PCDHGA10: variants seen among roughly 807,000 people sequenced by gnomAD.
The protein encoded by PCDHGA10 is protocadherin gamma subfamily A, 10, also known as protocadherin gamma-A10.
In PCDHGA10, 42 loss-of-function variants were observed where a neutral mutation model predicts 59.5. The ratio of observed to expected loss-of-function variants is 0.71; its 90% confidence interval spans 0.55 to 0.91. The LOEUF (loss-of-function observed/expected upper bound fraction) is 0.91, where lower values mean the gene tolerates loss of function less well. PCDHGA10 is among the 40% of genes least tolerant of loss of function. PCDHGA10 has a pLI of 0.00. For missense variants in PCDHGA10, 1,111 were observed against 1,198.2 expected, an observed-to-expected ratio of 0.93 and a Z score of 1.07; for synonymous variants, 511 against 517.2, an observed-to-expected ratio of 0.99 and a Z score of 0.16.
intron 1 of PCDHGA10, chr5:141,419,732 G>A (rs2096422854): frequency 6.2e-7 from 1 of 1,613,792 alleles, no homozygotes; most frequent in Non-Finnish European, 8.5e-7. Flanking sequence ...GCGAACAGGC[G>A]AGGTGCGCAT....
chr5:141,442,485 G>A (rs1000683527), intron 1 of PCDHGA10: 2 of 152,248 alleles, frequency 1.3e-5, no homozygotes, highest in Non-Finnish European at 2.9e-5. Flanking sequence ...TGGGGAAGGG[G>A]ATGATTGTGA....
chr5:141,479,733 A>G (rs2099504879), intron 1 of PCDHGA10: 1 of 152,254 alleles, frequency 6.6e-6, no homozygotes, highest in Admixed American at 6.5e-5. Context: ...TTTCTTAAGT[A>G]TATGCACAAT....
At position 141,485,709 on chromosome 5, in the gene PCDHGA10, C is replaced by A. The variant is rs2099618118; in HGVS notation, c.2437-9098C>A. On this transcript the variant is annotated intron_variant, in intron 1 of 3. Transcript: ENST00000398610. This position sits in a 1 kb window ranked among gnomAD's most constrained non-coding sequence, Gnocchi z 5.7. ...AGGCTGAGCTCCAATGAACACTTTGCACTGGATGTGAAGAAGCGCAGCGAC... is the reference window on the plus strand; with the variant it reads ...AGGCTGAGCTCCAATGAACACTTTGAACTGGATGTGAAGAAGCGCAGCGAC... The A allele has an allele frequency of 1.2e-6, 2 of 1,614,128 alleles. No homozygotes were observed. The highest frequency in any genetic ancestry group is 1.7e-6 in the Non-Finnish European group (2 of 1,180,028).
chr5:141,422,472 G>T, intron 1 of PCDHGA10: 2 of 1,613,680 alleles, frequency 1.2e-6, no homozygotes, highest in Non-Finnish European at 1.7e-6. Flanking sequence ...ACAGGGAGTT[G>T]GTCCAGAGCT....
chr5:141,414,015 A>C lies in PCDHGA10; in HGVS notation c.840A>C (p.Glu280Asp). 6.2e-7 allele frequency: 1 copy of C among 1,613,160 alleles called. No individual in the cohort carries two copies. Among genetic ancestry groups the C allele is most frequent in the South Asian group, 1.1e-5 (1 of 90,968 alleles). Residue 280 changes from glutamate to aspartate, a missense_variant, in exon 1 of 4, where the codon GAA becomes GAC. Glu to Asp is a conservative substitution (Grantham distance 45). Coordinates refer to ENST00000398610, the MANE Select transcript of PCDHGA10 (RefSeq NM_018913.3). ...ATDRDEGANGEVTYSFRKLPD... is the reference protein window; with the variant it reads ...ATDRDEGANGDVTYSFRKLPD... ...ACAGGGACGAAGGTGCCAATGGAGA[A>C]GTGACATATTCATTCCGAAAATTAC...
rs760095389 is a variant in PCDHGA10, at chr5:141,486,731, A to G, written c.2437-8076A>G. On this transcript the variant is annotated intron_variant, in intron 1 of 3. Transcript: ENST00000398610. The surrounding 1 kb of genome is among the most constrained non-coding windows in gnomAD (Gnocchi z 5.0). ...CCCCCAGACAGGAGCTGTTCATGCT[A>G]CTCGATCCTTTGACTATGAGCAAAC... The G allele has an allele frequency of 6.2e-7, 1 of 1,614,060 alleles. No individual in the cohort carries two copies. Among genetic ancestry groups the G allele is most frequent in the Non-Finnish European group, 8.5e-7 (1 of 1,180,012 alleles).
rs2099641707 is a variant in PCDHGA10 at position 141,487,238 on chromosome 5, C to T, written c.2437-7569C>T. 1.2e-6 allele frequency: 2 copies of T among 1,614,056 alleles called. No individual in the cohort carries two copies. The highest frequency in any genetic ancestry group is 1.7e-6 in the Non-Finnish European group (2 of 1,180,022). On this transcript the variant is annotated intron_variant, in intron 1 of 3. Transcript: ENST00000398610. This position sits in a 1 kb window ranked among gnomAD's most constrained non-coding sequence, Gnocchi z 5.0. ...AGCTCCAAGGGAAGGAGAATCTCGT[C>T]TAACCCTCTACTTGGCTGTGTCCCT...
intron 1 of PCDHGA10, among the ~76,000 whole-genome samples, chr5:141,448,378 A>G (rs1288817591): frequency 6.6e-6 from 1 of 152,154 alleles, no homozygotes; most frequent in East Asian, 1.9e-4. Context: ...ATTTTTGAAT[A>G]GGAAATACAT....
rs1394681178 is a variant in PCDHGA10 at position 141,413,889 on chromosome 5, T to C, written c.714T>C (p.Asp238=). ...TCCTTGTCAGTGTGACTGTCTTCGA[T>C]GCAAATGACAACGCGCCGGTCTTCA... is the stretch of plus-strand genomic sequence containing the variant. ...GTVLVSVTVF[D]ANDNAPVFTL... is the part of the protein sequence containing the mutation. The change falls in exon 1 of 4, where the codon GAT becomes GAC. Residue 238 remains aspartate, a synonymous_variant. Transcript: ENST00000398610. 4 of 1,613,392 alleles carry C rather than the reference T, an allele frequency of 2.5e-6. No individual in the cohort carries two copies. Among genetic ancestry groups the C allele is most frequent in the Non-Finnish European group, 3.4e-6 (4 of 1,179,870 alleles).
In PCDHGA10 at chr5:141,487,938, G is replaced by A; in HGVS notation, c.2437-6869G>A. ...GAGGCTACAGTGCACAGGGTACAGT[G>A]CACCAGGCAGTCACTTGGACAAAGG... is the stretch of plus-strand genomic sequence containing the variant. On this transcript the variant is annotated intron_variant, in intron 1 of 3. Coordinates refer to ENST00000398610, the MANE Select transcript of PCDHGA10 (RefSeq NM_018913.3). This position sits in a 1 kb window ranked among gnomAD's most constrained non-coding sequence, Gnocchi z 5.0. 1.7e-6 allele frequency: 1 copy of A among 600,308 alleles called. No homozygotes were observed. The highest frequency in any genetic ancestry group is 2.9e-6 in the Non-Finnish European group (1 of 342,970). 37.2% of individuals were successfully genotyped at this position (600,308 alleles called of 1,614,324 possible).
Position 141,491,273 on chromosome 5 carries a change from G to A in PCDHGA10, c.2437-3534G>A. ...GACCCTGAGGAAATGCCCAAATCCA[G>A]TGACTTCCTCATACACCCTCCTGAG... On this transcript the variant is annotated intron_variant, in intron 1 of 3. Coordinates refer to ENST00000398610, the MANE Select transcript of PCDHGA10 (RefSeq NM_018913.3). This position sits in a 1 kb window ranked among gnomAD's most constrained non-coding sequence, Gnocchi z 6.9. The A allele has an allele frequency of 6.2e-7, 1 of 1,614,182 alleles. No individual in the cohort carries two copies. Among genetic ancestry groups the A allele is most frequent in the South Asian group, 1.1e-5 (1 of 91,082 alleles).
chr5:141,431,731 T>G lies in PCDHGA10; in HGVS notation c.2436+16120T>G. 6.2e-7 allele frequency: 1 copy of G among 1,614,210 alleles called. No homozygotes were observed. The highest frequency in any genetic ancestry group is 8.5e-7 in the Non-Finnish European group (1 of 1,180,034). Reference sequence around the variant, plus strand: ...AGATGGAAGTGCAAGCAATGGATAATGCAGGATATTCTGCGCGAGCCAAAG... The same window carrying G: ...AGATGGAAGTGCAAGCAATGGATAAGGCAGGATATTCTGCGCGAGCCAAAG... On this transcript the variant is annotated intron_variant, in intron 1 of 3. Coordinates refer to ENST00000398610, the MANE Select transcript of PCDHGA10 (RefSeq NM_018913.3). The surrounding 1 kb of genome is among the most constrained non-coding windows in gnomAD (Gnocchi z 4.8).
chr5:141,489,342 A>G lies in PCDHGA10; in HGVS notation c.2437-5465A>G. 3.7e-6 allele frequency: 6 copies of G among 1,609,084 alleles called. No homozygotes were observed. The Middle Eastern group carries it at 6.6e-4, about 178-fold the overall frequency. On this transcript the variant is annotated intron_variant, in intron 1 of 3. Transcript: ENST00000398610. The surrounding 1 kb of genome is among the most constrained non-coding windows in gnomAD (Gnocchi z 4.5). ...GGGTGTCTGGGCAGCTTCGTTACTCAGTGGTGGAGGAGTCTGAGCCGGGGA... is the reference window on the plus strand; with the variant it reads ...GGGTGTCTGGGCAGCTTCGTTACTCGGTGGTGGAGGAGTCTGAGCCGGGGA...
Position 141,490,835 on chromosome 5 carries a change from T to C in PCDHGA10, c.2437-3972T>C, listed in dbSNP as rs1284804400. 4 of 1,613,728 alleles carry C rather than the reference T, an allele frequency of 2.5e-6. No individual in the cohort carries two copies. The highest frequency in any genetic ancestry group is 1.1e-5 in the South Asian group (1 of 91,076). On this transcript the variant is annotated intron_variant, in intron 1 of 3. Transcript: ENST00000398610. This position sits in a 1 kb window ranked among gnomAD's most constrained non-coding sequence, Gnocchi z 5.4. ...TATGAATTGCTGCAGATGCTGCAGATTGTGGTGGGGGTTCGAGACTCCGGC... is the reference window on the plus strand; with the variant it reads ...TATGAATTGCTGCAGATGCTGCAGACTGTGGTGGGGGTTCGAGACTCCGGC...
intron 1 of PCDHGA10, among the ~76,000 whole-genome samples, chr5:141,434,742 G>A (rs1177333213): frequency 6.6e-6 from 1 of 151,500 alleles, no homozygotes; most frequent in Non-Finnish European, 1.5e-5. Context: ...TGAAGGCTAT[G>A]AGACCCCTGA....
At chr5:141,505,523 G>C in intron 3 of PCDHGA10, 42 bp downstream of exon 3, 2 of 1,612,760 alleles carry the variant, frequency 1.2e-6, no homozygotes, top group South Asian at 2.2e-5. Context: ...GGGAGACCTG[G>C]GGTTCTGGGG....
intron 2 of PCDHGA10, among the ~76,000 whole-genome samples, chr5:141,504,128 G>A (rs914138294): frequency 2.6e-5 from 4 of 151,992 alleles, no homozygotes; most frequent in African/African-American, 9.7e-5. Context: ...GCTGTTTCCC[G>A]CCAACACTCC....
intron 1 of PCDHGA10, among the ~76,000 whole-genome samples, chr5:141,466,826 G>A (rs978548667): frequency 1.2e-4 from 18 of 152,056 alleles, no homozygotes; most frequent in Admixed American, 8.5e-4. Flanking sequence ...TAACAAGTTA[G>A]TATGGGTTTA....
rs566838507 is a variant in PCDHGA10, at chr5:141,415,047, G to T, written c.1872G>T (p.Gly624=). ...GCGAGCCGGGACTCTTCGCGGTGGG[G>T]GAGCACACGGGCGAGGTGCGCACGG... The part of the protein sequence containing the change: ...KASEPGLFAV[G]EHTGEVRTAR... Residue 624 remains glycine (G), a synonymous_variant, in exon 1 of 4, where the codon GGG becomes GGT. Transcript: ENST00000398610. The T allele has an allele frequency of 4.2e-5, 67 of 1,613,220 alleles. 1 individual carries two copies. The Admixed American group carries it at 6.0e-4, about 14-fold the overall frequency.
Sources: gnomAD v4.1 joint callset for allele counts (sites outside exome capture counted in the v4.1 genomes callset) on GRCh38, gnomAD v4.1.1 for gene constraint, Gnocchi (gnomAD v3.1) non-coding constraint, MANE v1.5 for transcripts, NCBI Gene and HGNC (gene_info 2026-07-23, HGNC 2026-07-21) for gene names.